TBC1D22B: variants seen among roughly 807,000 people sequenced by gnomAD.
TBC1D22B encodes the protein TBC1 domain family member 22B, also known as chromosome 6 open reading frame 197.
A neutral mutation model predicts 69.1 loss-of-function variants in TBC1D22B; 32 were observed. That is an observed-to-expected ratio of 0.46 (90% CI 0.35 to 0.62). TBC1D22B has a LOEUF of 0.62. TBC1D22B is among the 20% of genes least tolerant of loss of function. TBC1D22B has a pLI of 0.00. For synonymous variants in TBC1D22B, 206 were observed against 229.8 expected, an observed-to-expected ratio of 0.90 and a Z score of 0.94; for missense variants, 462 against 630.9, an observed-to-expected ratio of 0.73 and a Z score of 2.87.
In TBC1D22B at chr6:37,330,222, C is replaced by CTTTT. The variant is rs67372032; in HGVS notation, c.1390-790_1390-787dup. 4.2e-3 allele frequency among the ~76,000 whole-genome samples: 316 copies of CTTTT among 75,540 alleles called. 13 individuals are homozygous for CTTTT. The highest frequency in any genetic ancestry group is 5.6e-3 in the Non-Finnish European group (234 of 41,548). The allele number at this position is 75,540 out of a possible 152,430, so 49.6% of individuals were successfully genotyped here. On this transcript the variant is annotated intron_variant, in intron 12 of 12. Coordinates refer to ENST00000373491, the MANE Select transcript of TBC1D22B (RefSeq NM_017772.4). ...GATGTTATAAATATTTTGTCCGTTT[C>CTTTT]TTTTTTTTTTTTTTTTTTTTTTTTT... is the stretch of plus-strand genomic sequence containing the variant.
chr6:37,277,627 G>A (rs1236212449), intron 2 of TBC1D22B, among the ~76,000 whole-genome samples: 1 of 151,622 alleles, frequency 6.6e-6, no homozygotes, highest in Non-Finnish European at 1.5e-5. Context: ...CACCATGCCT[G>A]GCTAATTTTT....
At chr6:37,281,051 A>AT (rs1470468089) in intron 3 of TBC1D22B, among the ~76,000 whole-genome samples, 1 of 152,208 alleles carries the variant, frequency 6.6e-6, no homozygotes, top group Non-Finnish European at 1.5e-5. Flanking sequence ...TCACTGTTTA[A>AT]TTTTTGTTGT....
intron 12 of TBC1D22B, among the ~76,000 whole-genome samples, chr6:37,324,996 AAAT>A (rs1469173812): frequency 4.6e-5 from 7 of 152,364 alleles, no homozygotes; most frequent in Non-Finnish European, 1.0e-4. Flanking sequence ...AGTGCTCAAT[AAAT>A]AATAAATGCC....
Position 37,279,626 on chromosome 6 carries a change from C to A in TBC1D22B, c.421+15C>A. The A allele has an allele frequency of 1.9e-6, 3 of 1,594,270 alleles. No individual in the cohort carries two copies. The highest frequency in any genetic ancestry group is 2.6e-6 in the Non-Finnish European group (3 of 1,169,890). On this transcript the variant is annotated intron_variant, in intron 3 of 12. Coordinates refer to ENST00000373491, the MANE Select transcript of TBC1D22B (RefSeq NM_017772.4). ...CAGAAACTCTAGTAAGTCCTTCCTG[C>A]TCCCTTCATAGCCTCAGCCTTCTCA...
At chr6:37,315,804 G>T (rs867902442) in intron 10 of TBC1D22B, among the ~76,000 whole-genome samples, 21 of 152,090 alleles carry the variant, frequency 1.4e-4, no homozygotes, top group African/African-American at 4.1e-4. Flanking sequence ...TTGAGCTCCT[G>T]GGCTCAACAC....
At chr6:37,317,383 G>A (rs112108788) in intron 12 of TBC1D22B, among the ~76,000 whole-genome samples, 177 bp downstream of exon 12, 1 of 152,202 alleles carries the variant, frequency 6.6e-6, no homozygotes, top group Non-Finnish European at 1.5e-5. Flanking sequence ...CTGGAGCCCA[G>A]GGGTTCTTCA....
chr6:37,299,035 C>T (rs375452567), intron 8 of TBC1D22B, among the ~76,000 whole-genome samples: 7 of 152,298 alleles, frequency 4.6e-5, no homozygotes, highest in African/African-American at 1.7e-4. Flanking sequence ...GTTTGTACTC[C>T]AGCCATGAAA....
intron 12 of TBC1D22B, among the ~76,000 whole-genome samples, chr6:37,324,814 A>G (rs570796629): frequency 6.6e-6 from 1 of 152,216 alleles, no homozygotes; most frequent in African/African-American, 2.4e-5. Context: ...ATTGGGCTCA[A>G]ATCCCTGGCT....
intron 2 of TBC1D22B, among the ~76,000 whole-genome samples, chr6:37,275,923 AC>A (rs1766654674): frequency 1.4e-5 from 2 of 147,502 alleles, no homozygotes; most frequent in African/African-American, 5.0e-5. Flanking sequence ...AACCCAAAGT[AC>A]CTTTCACTTC....
At chr6:37,269,204 A>C (rs1766403540) in intron 1 of TBC1D22B, among the ~76,000 whole-genome samples, 1 of 152,184 alleles carries the variant, frequency 6.6e-6, no homozygotes, top group Non-Finnish European at 1.5e-5. Flanking sequence ...CCTTTCAATT[A>C]GGCAATATTC....
chr6:37,320,205 C>T (rs1467799787), intron 12 of TBC1D22B, among the ~76,000 whole-genome samples: 1 of 152,128 alleles, frequency 6.6e-6, no homozygotes, highest in Admixed American at 6.6e-5. Flanking sequence ...ATCTTCCTGT[C>T]AAGGTTAGGG....
intron 12 of TBC1D22B, among the ~76,000 whole-genome samples, chr6:37,323,584 T>C (rs1421473388): frequency 6.6e-6 from 1 of 152,224 alleles, no homozygotes; most frequent in African/African-American, 2.4e-5. Context: ...TGAAGGTTTC[T>C]TTTGTAGGAG....
In TBC1D22B at chr6:37,300,685, TA is replaced by T. The variant is rs555778617; in HGVS notation, c.982+9336del. 6.7e-3 allele frequency among the ~76,000 whole-genome samples: 1,018 copies of T among 152,170 alleles called. 16 individuals carry two copies. The highest frequency in any genetic ancestry group is 0.023 in the African/African-American group (973 of 41,514). On this transcript the variant is annotated intron_variant, in intron 8 of 12. Transcript: ENST00000373491. ...CTATTATTTTTTATTAGTGGCTTTT[TA>T]AAAAAAATTCCCCCCACCCAGGGCC...
chr6:37,329,017 G>A (rs1248802269), intron 12 of TBC1D22B, among the ~76,000 whole-genome samples: 2 of 150,064 alleles, frequency 1.3e-5, no homozygotes, highest in Non-Finnish European at 1.5e-5. Context: ...ATGAGCCACT[G>A]CGCCCAGCCC....
At chr6:37,313,383 A>G (rs1314488200) in intron 9 of TBC1D22B, among the ~76,000 whole-genome samples, 1 of 151,924 alleles carries the variant, frequency 6.6e-6, no homozygotes, top group East Asian at 1.9e-4. Flanking sequence ...CCAGGTCCTC[A>G]GTGGGCTAAG....
intron 1 of TBC1D22B, among the ~76,000 whole-genome samples, chr6:37,267,482 CTATATATAATATATATACACTA>C (rs70977645): frequency 0.85 from 117,169 of 137,952 alleles, 49,835 homozygotes; most frequent in Middle Eastern, 0.93. Context: ...TATATATACA[CTATATATAATATATATACACTA>C]TATATATAAT....
At chr6:37,291,438 C>A in intron 8 of TBC1D22B, 81 bp downstream of exon 8, 1 of 1,018,322 alleles carries the variant, frequency 9.8e-7, no homozygotes, top group South Asian at 1.6e-5. Context: ...CCCAAGAGTC[C>A]AGCCAGTAGG....
chr6:37,305,156 G>A (rs140735828), intron 8 of TBC1D22B, among the ~76,000 whole-genome samples: 36 of 152,254 alleles, frequency 2.4e-4, no homozygotes, highest in East Asian at 1.9e-3. Flanking sequence ...CCTGGGAGGC[G>A]GCATCCTCCA....
chr6:37,318,520 C>T (rs1387310170), intron 12 of TBC1D22B, among the ~76,000 whole-genome samples: 2 of 152,146 alleles, frequency 1.3e-5, no homozygotes, highest in Non-Finnish European at 2.9e-5. Flanking sequence ...ATTTAGGAGC[C>T]TTTGCCTAGA....
Sources: gnomAD v4.1 joint callset for allele counts (sites outside exome capture counted in the v4.1 genomes callset) on GRCh38, gnomAD v4.1.1 for gene constraint, MANE v1.5 for transcripts, NCBI Gene and HGNC (gene_info 2026-07-23, HGNC 2026-07-21) for gene names.